The following EPM2A variants were observed in gnomAD, a reference collection of about 807,000 sequenced individuals.
EPM2A encodes the protein laforin.
EPM2A carries 21 observed loss-of-function variants against 26.5 expected under a neutral mutation model. The ratio of observed to expected loss-of-function variants is 0.79; its 90% CI spans 0.56 to 1.14. The LOEUF is 1.14. Among genes scored for constraint, EPM2A ranks in the 50% most tolerant of loss-of-function variants. The pLI is 0.00. For synonymous variants in EPM2A, 217 were observed against 177.6 expected (o/e 1.22, Z -1.76); for missense variants, 458 against 440.8 (o/e 1.04, Z -0.35).
At chr6:145,692,449 G>A (rs1051247508) in intron 1 of EPM2A, among the ~76,000 whole-genome samples, 1 of 151,934 alleles carries the variant, frequency 6.6e-6, no homozygotes, top group East Asian at 1.9e-4. Flanking sequence ...AACATATCCT[G>A]TACCATAAAA....
intron 2 of EPM2A, among the ~76,000 whole-genome samples, chr6:145,523,967 A>T (rs1282875632): frequency 2.6e-5 from 4 of 152,148 alleles, no homozygotes; most frequent in African/African-American, 9.7e-5. Context: ...GGGAGTCCTC[A>T]GTATCTACTG....
chr6:145,587,499 T>C (rs1781213263), intron 2 of EPM2A, among the ~76,000 whole-genome samples: 1 of 152,186 alleles, frequency 6.6e-6, no homozygotes, highest in Non-Finnish European at 1.5e-5. Context: ...GTGAAAAATA[T>C]TCTCTGCCCA....
At chr6:145,453,624 T>A in intron 4 of EPM2A, among the ~76,000 whole-genome samples, 1 of 152,206 alleles carries the variant, frequency 6.6e-6, no homozygotes, top group Non-Finnish European at 1.5e-5. Context: ...AGGAAACTAT[T>A]TCCTTTTTAA....
intron 2 of EPM2A, among the ~76,000 whole-genome samples, chr6:145,647,175 C>T (rs180983239): frequency 1.1e-4 from 17 of 152,282 alleles, no homozygotes; most frequent in Non-Finnish European, 2.1e-4. Context: ...GAATATCCAT[C>T]GCTTTTATAT....
downstream of EPM2A, among the ~76,000 whole-genome samples, chr6:145,620,924 C>G (rs761464953): frequency 6.6e-6 from 1 of 152,176 alleles, no homozygotes; most frequent in African/African-American, 2.4e-5. Context: ...TATCCATTAT[C>G]TCATATACCT....
At chr6:145,420,938 G>A (rs1282169623) in intron 4 of EPM2A, among the ~76,000 whole-genome samples, 1 of 151,998 alleles carries the variant, frequency 6.6e-6, no homozygotes, top group Non-Finnish European at 1.5e-5. Context: ...GCACTAAATG[G>A]CATTAATCCA....
chr6:145,518,653 A>G (rs1158381322), intron 2 of EPM2A, among the ~76,000 whole-genome samples: 1 of 151,460 alleles, frequency 6.6e-6, no homozygotes, highest in Non-Finnish European at 1.5e-5. Flanking sequence ...TAAGTCTACT[A>G]ATCGCTTTTT....
intron 4 of EPM2A, among the ~76,000 whole-genome samples, chr6:145,405,879 C>G (rs1439604466): frequency 2.6e-5 from 4 of 152,028 alleles, no homozygotes; most frequent in African/African-American, 9.7e-5. Flanking sequence ...ACAACTTTCT[C>G]TCAATCTTAT....
At chr6:145,655,279 A>T (rs1266916267) in intron 2 of EPM2A, among the ~76,000 whole-genome samples, 2 of 152,068 alleles carry the variant, frequency 1.3e-5, no homozygotes, top group African/African-American at 4.8e-5. Flanking sequence ...CTATTGTGGT[A>T]CATGTTGGAT....
chr6:145,708,552 G>A (rs1782356900), intron 1 of EPM2A, among the ~76,000 whole-genome samples: 1 of 152,196 alleles, frequency 6.6e-6, no homozygotes, highest in African/African-American at 2.4e-5. Context: ...GGCAGCTCCG[G>A]TATGGTGTTG....
intron 2 of EPM2A, among the ~76,000 whole-genome samples, chr6:145,679,336 CA>C (rs1780322686): frequency 6.6e-6 from 1 of 151,544 alleles, no homozygotes; most frequent in African/African-American, 2.4e-5. Context: ...TGCAGCAAAC[CA>C]ACATGGCACA....
intron 2 of EPM2A, among the ~76,000 whole-genome samples, chr6:145,524,144 T>G (rs1780239496): frequency 6.6e-6 from 1 of 152,238 alleles, no homozygotes; most frequent in African/African-American, 2.4e-5. Flanking sequence ...GGCTGCATAG[T>G]ATTCCACTGC....
chr6:145,501,972 G>A (rs1039240602), intron 3 of EPM2A: 2 of 412,778 alleles, frequency 4.8e-6, no homozygotes, highest in Non-Finnish European at 9.9e-6. Context: ...TAGTGCTGGA[G>A]TAAAAGGAAG....
At chr6:145,608,417 C>T (rs1775315770) in intron 2 of EPM2A, among the ~76,000 whole-genome samples, 1 of 152,124 alleles carries the variant, frequency 6.6e-6, no homozygotes, top group Admixed American at 6.5e-5. Context: ...TTCATTAATT[C>T]CCCCTTAATG....
intron 1 of EPM2A, among the ~76,000 whole-genome samples, chr6:145,697,316 G>A (rs1044652065): frequency 2.6e-5 from 4 of 152,224 alleles, no homozygotes; most frequent in Non-Finnish European, 5.9e-5. Context: ...CCAATAGGGT[G>A]TGGGTCACAG....
At chr6:145,696,597 T>C (rs1781582926) in intron 1 of EPM2A, among the ~76,000 whole-genome samples, 1 of 151,976 alleles carries the variant, frequency 6.6e-6, no homozygotes. Flanking sequence ...TAAAGACAAA[T>C]AAGTAACCCA....
upstream of EPM2A, chr6:145,735,583 T>G (rs1430906473): frequency 9.2e-7 from 1 of 1,089,636 alleles, no homozygotes; most frequent in Non-Finnish European, 1.1e-6. Flanking sequence ...CCGCAGCGAT[T>G]GGGCGGTGGT....
At chr6:145,435,336 C>A (rs1033703081) in intron 4 of EPM2A, among the ~76,000 whole-genome samples, 5 of 150,758 alleles carry the variant, frequency 3.3e-5, no homozygotes, top group African/African-American at 9.7e-5. Context: ...CAGTTAAAAA[C>A]AAAGTGATTC....
chr6:145,635,560 G>T, intron 2 of EPM2A, 74 bp from the exon 3 acceptor site: 1 of 1,439,240 alleles, frequency 6.9e-7, no homozygotes, highest in Non-Finnish European at 9.8e-7. Context: ...CATAAAACAT[G>T]TAGTATTAAA....
Sources: gnomAD v4.1 joint callset for allele counts (sites outside exome capture counted in the v4.1 genomes callset) on GRCh38, gnomAD v4.1.1 for gene constraint, MANE v1.5 for transcripts, NCBI Gene and HGNC (gene_info 2026-07-23, HGNC 2026-07-21) for gene names.